SUMF1: variants seen among roughly 807,000 people sequenced by gnomAD.
SUMF1 encodes the protein formylglycine-generating enzyme.
Under a neutral mutation model 47.6 loss-of-function variants are expected in SUMF1, and 48 were observed. The observed-to-expected ratio is 1.01, with a 90% CI of 0.80 to 1.28. The LOEUF (loss-of-function observed/expected upper bound fraction) is 1.28. Among genes scored for constraint, SUMF1 ranks in the 50% most tolerant of loss-of-function variants. SUMF1 has a pLI of 0.00. For synonymous variants in SUMF1, 230 were observed against 192.1 expected (o/e 1.20, Z -1.63); for missense variants, 571 against 485.4 (o/e 1.18, Z -1.66).
chr3:4,357,863 C>T (rs1699657112), downstream of SUMF1, among the ~76,000 whole-genome samples: 1 of 152,082 alleles, frequency 6.6e-6, no homozygotes, highest in Admixed American at 6.6e-5. Context: ...CCGCCTCGGC[C>T]TCCCAAAGTG....
intron 3 of SUMF1, among the ~76,000 whole-genome samples, chr3:4,445,099 G>C (rs1702734828): frequency 6.6e-6 from 1 of 152,182 alleles, no homozygotes; most frequent in African/African-American, 2.4e-5. Context: ...TCTAAAATTA[G>C]ATTGTAATGA....
At chr3:4,363,097 C>T (rs192308102) in intron 8 of SUMF1, among the ~76,000 whole-genome samples, 2 of 152,010 alleles carry the variant, frequency 1.3e-5, no homozygotes, top group Admixed American at 6.5e-5. Flanking sequence ...TATATGAAAC[C>T]TATTCAGTAT....
intron 8 of SUMF1, among the ~76,000 whole-genome samples, chr3:4,285,681 A>G (rs1011900595): frequency 2.6e-5 from 4 of 152,084 alleles, no homozygotes; most frequent in Non-Finnish European, 5.9e-5. Flanking sequence ...GGCCTTACAC[A>G]TATTTGTCAC....
intron 8 of SUMF1, among the ~76,000 whole-genome samples, chr3:4,096,832 G>A (rs1290549266): frequency 2.0e-5 from 3 of 152,080 alleles, no homozygotes; most frequent in Non-Finnish European, 4.4e-5. Flanking sequence ...ATGTGAAGGG[G>A]ACAGCACTAT....
chr3:4,182,377 C>T lies in SUMF1; in HGVS notation c.1015-113632G>A, dbSNP rs191691405. Among the ~76,000 whole-genome samples the T allele has an allele frequency of 3.7e-3, 550 of 149,478 alleles. 2 individuals are homozygous for T. Among genetic ancestry groups the T allele is most frequent in the Non-Finnish European group, 6.1e-3 (413 of 67,440 alleles). ...GATAAATCCAACTTCCAAGTTATATCTATTAATAAATTATATTATAATTTA... is the reference window on the plus strand; with the variant it reads ...GATAAATCCAACTTCCAAGTTATATTTATTAATAAATTATATTATAATTTA... On this transcript the variant is annotated intron_variant and NMD_transcript_variant, in intron 8 of 12. Transcript: ENST00000448413.
At chr3:4,463,258 G>A (rs1196799281) in intron 1 of SUMF1, among the ~76,000 whole-genome samples, 1 of 152,340 alleles carries the variant, frequency 6.6e-6, no homozygotes, top group South Asian at 2.1e-4. Context: ...TTGGGAGGCA[G>A]AGGCAGGTGG....
chr3:4,360,306 T>G (rs1339542797), downstream of SUMF1, among the ~76,000 whole-genome samples: 2 of 145,426 alleles, frequency 1.4e-5, no homozygotes, highest in Non-Finnish European at 1.5e-5. Context: ...TGGCTAAACG[T>G]GCCAGCTACA....
chr3:4,401,287 G>A (rs1300734579), intron 7 of SUMF1, among the ~76,000 whole-genome samples: 2 of 152,082 alleles, frequency 1.3e-5, no homozygotes, highest in African/African-American at 4.8e-5. Context: ...GTGTGCATAT[G>A]TCTTTATAGT....
At chr3:4,459,269 A>T (rs1209021439) in intron 1 of SUMF1, among the ~76,000 whole-genome samples, 2 of 152,220 alleles carry the variant, frequency 1.3e-5, no homozygotes, top group Non-Finnish European at 2.9e-5. Flanking sequence ...TCCACAATGT[A>T]AACATATATC....
At chr3:4,310,730 C>A (rs1698372869) in intron 8 of SUMF1, among the ~76,000 whole-genome samples, 1 of 152,030 alleles carries the variant, frequency 6.6e-6, no homozygotes, top group Non-Finnish European at 1.5e-5. Context: ...CACCTGCTTT[C>A]CTGATTAGAA....
chr3:4,175,772 A>T lies in SUMF1; in HGVS notation c.1015-107027T>A, dbSNP rs553881686. On this transcript the variant is annotated intron_variant and NMD_transcript_variant, in intron 8 of 12. Transcript: ENST00000448413. ...AAGGAGGATGTTCAAACCCATCACAAGGAAGCTAAAAGCCTTGAAAACACA... is the reference window on the plus strand; with the variant it reads ...AAGGAGGATGTTCAAACCCATCACATGGAAGCTAAAAGCCTTGAAAACACA... Among the ~76,000 whole-genome samples the T allele has an allele frequency of 3.9e-5, 6 of 152,286 alleles. No individual in the cohort carries two copies. The South Asian group carries it at 6.2e-4, about 16-fold the overall frequency.
At chr3:4,065,715 C>T (rs1695359898) in intron 9 of SUMF1, among the ~76,000 whole-genome samples, 1 of 152,034 alleles carries the variant, frequency 6.6e-6, no homozygotes, top group Non-Finnish European at 1.5e-5. Flanking sequence ...GAGTGATTTG[C>T]ATTCATTATC....
chr3:4,353,292 G>A (rs557409777), intron 8 of SUMF1, among the ~76,000 whole-genome samples: 13 of 152,138 alleles, frequency 8.5e-5, no homozygotes, highest in East Asian at 5.8e-4. Context: ...TCACTCTGTC[G>A]CCCAGGCTGG....
At chr3:4,252,366 ACACACACACACACCC>A (rs1163244978) in intron 8 of SUMF1, among the ~76,000 whole-genome samples, 2 of 139,950 alleles carry the variant, frequency 1.4e-5, no homozygotes, top group African/African-American at 5.0e-5. Context: ...ACACACACAC[ACACACACACACACCC>A]CACTGGCTGT....
At chr3:4,145,848 C>T (rs961777218) in intron 8 of SUMF1, among the ~76,000 whole-genome samples, 3 of 152,116 alleles carry the variant, frequency 2.0e-5, no homozygotes, top group Non-Finnish European at 4.4e-5. Flanking sequence ...GGCTTCCCAG[C>T]CCCATTCATC....
intron 8 of SUMF1, among the ~76,000 whole-genome samples, chr3:4,221,062 C>T (rs1696049594): frequency 6.6e-6 from 1 of 152,114 alleles, no homozygotes; most frequent in African/African-American, 2.4e-5. Context: ...AAGGGAGAGA[C>T]ATGTTAAAAT....
intron 8 of SUMF1, among the ~76,000 whole-genome samples, chr3:4,312,312 C>T (rs1370319793): frequency 6.6e-6 from 1 of 152,048 alleles, no homozygotes; most frequent in Non-Finnish European, 1.5e-5. Context: ...TGTACTCAGA[C>T]ACTAAATTCA....
At chr3:4,328,075 G>A (rs1045293540) in intron 8 of SUMF1, among the ~76,000 whole-genome samples, 1 of 152,126 alleles carries the variant, frequency 6.6e-6, no homozygotes, top group African/African-American at 2.4e-5. Context: ...AAAATTAGCT[G>A]GGTGTGATGG....
At chr3:4,045,650 G>C (rs887472661) in intron 9 of SUMF1, among the ~76,000 whole-genome samples, 3 of 151,966 alleles carry the variant, frequency 2.0e-5, no homozygotes, top group Non-Finnish European at 4.4e-5. Flanking sequence ...TTGTGATTTT[G>C]TTTTCCAGAT....
Sources: allele counts gnomAD v4.1 joint callset (sites outside exome capture counted in the v4.1 genomes callset), GRCh38; gene constraint gnomAD v4.1.1; transcripts MANE v1.5; gene names NCBI Gene and HGNC (gene_info 2026-07-23, HGNC 2026-07-21).